Variants in SLF1 observed in about 807,000 individuals in gnomAD.
The protein encoded by SLF1 is SMC5/6 complex localization factor 1.
Under a neutral mutation model 123.0 loss-of-function variants are expected in SLF1, and 105 were observed. The observed-to-expected ratio is 0.85, with a 90% CI of 0.73 to 1.00. The LOEUF is 1.00. SLF1 is among the 50% of genes least tolerant of loss of function. The pLI, the probability that SLF1 is intolerant of heterozygous loss-of-function variation, is 0.00. For missense variants in SLF1, 1,239 were observed against 1,223.0 expected (o/e 1.01, Z -0.20); for synonymous variants, 434 against 406.6 (o/e 1.07, Z -0.81).
chr5:94,692,125 T>C lies in SLF1; in HGVS notation c.2564T>C (p.Val855Ala). The C allele has an allele frequency of 6.2e-7, 1 of 1,613,878 alleles. No individual in the cohort carries two copies. Among genetic ancestry groups the C allele is most frequent in the Non-Finnish European group, 8.5e-7 (1 of 1,179,846 alleles). Residue 855 changes from valine (V) to alanine (A), a missense_variant, in exon 20 of 21, where the codon GTG (valine) becomes GCG (alanine). Val to Ala is a moderately conservative substitution (Grantham distance 64). Coordinates refer to ENST00000265140, the MANE Select transcript of SLF1 (RefSeq NM_032290.4). ...GAAGCCTGTAACTATGGCAACACAG[T>C]GTGTGTCCAGGAAATTTTGCAACGT... ...LHEACNYGNT[V>A]CVQEILQRCP...
chr5:94,619,065 TC>T (rs1055337187), intron 1 of SLF1, among the ~76,000 whole-genome samples: 2 of 151,738 alleles, frequency 1.3e-5, no homozygotes, highest in African/African-American at 4.8e-5. Context: ...CTGAGCCACT[TC>T]CCCCGCTTCT....
At chr5:94,665,822 CTA>C in intron 11 of SLF1, 37 bp from the exon 12 acceptor site, 1 of 1,485,470 alleles carries the variant, frequency 6.7e-7, no homozygotes, top group Non-Finnish European at 9.1e-7. Context: ...CTACTTTTAG[CTA>C]TAGTGTTTTA....
chr5:94,642,006 G>A (rs1746505003), intron 4 of SLF1, among the ~76,000 whole-genome samples: 1 of 152,122 alleles, frequency 6.6e-6, no homozygotes, highest in Non-Finnish European at 1.5e-5. Context: ...GGAAACAGTG[G>A]GTATTTTTCC....
At chr5:94,652,007 C>G (rs953799322) in intron 7 of SLF1, among the ~76,000 whole-genome samples, 162 bp downstream of exon 7, 5 of 121,388 alleles carry the variant, frequency 4.1e-5, no homozygotes, top group African/African-American at 1.6e-4. Context: ...GTATTATTTT[C>G]TTTTTTCTTT....
At chr5:94,664,189 A>T (rs1436349243) in intron 11 of SLF1, among the ~76,000 whole-genome samples, 1 of 152,256 alleles carries the variant, frequency 6.6e-6, no homozygotes, top group Non-Finnish European at 1.5e-5. Context: ...AAAGTATCAA[A>T]TATAAAATTC....
intron 11 of SLF1, among the ~76,000 whole-genome samples, chr5:94,665,000 G>C (rs1419549443): frequency 6.6e-6 from 1 of 151,912 alleles, no homozygotes; most frequent in Non-Finnish European, 1.5e-5. Context: ...CTTACTACTA[G>C]GGAAAAAAAT....
intron 4 of SLF1, among the ~76,000 whole-genome samples, chr5:94,642,508 TTCATAAAAGAGCTTA>T (rs1746560835): frequency 1.3e-5 from 2 of 152,356 alleles, no homozygotes; most frequent in South Asian, 4.1e-4. Flanking sequence ...GTCCAGTCTC[TTCATAAAAGAGCTTA>T]TCCCTCTTCA....
Position 94,688,515 on chromosome 5 carries a change from T to G in SLF1, c.2131T>G (p.Tyr711Asp). Residue 711 changes from tyrosine to aspartate, a missense_variant, in exon 17 of 21, where the codon TAT becomes GAT. Transcript: ENST00000265140. ...TATTATTTTTCAACAGGTATATTCCTATTTACCAGCCTTGGGGAAAACTGG... is the reference window on the plus strand; with the variant it reads ...TATTATTTTTCAACAGGTATATTCCGATTTACCAGCCTTGGGGAAAACTGG... ...PLSLQKMVYS[Y>D]LPALGKTGVL... 6.2e-7 allele frequency: 1 copy of G among 1,613,844 alleles called. No individual in the cohort carries two copies. Among genetic ancestry groups the G allele is most frequent in the East Asian group, 2.2e-5 (1 of 44,872 alleles).
rs780138319 is a variant in SLF1, at chr5:94,643,285, T to G, written c.444T>G (p.Ala148=). 1 of 1,535,740 alleles carries G rather than the reference T, an allele frequency of 6.5e-7. No homozygotes were observed. Among genetic ancestry groups the G allele is most frequent in the South Asian group, 1.2e-5 (1 of 80,892 alleles). Residue 148 remains alanine (A), a synonymous_variant, in exon 5 of 21, where the codon GCT becomes GCG. Transcript: ENST00000265140. ...RSDSLIRVLE[A]GKANVILPKS... is the part of the protein sequence containing the mutation. ...CATTTTTATTTAGAGTTTTGGAGGC[T>G]GGAAAGGCAAATGTTATTTTACCAA...
chr5:94,648,691 A>G (rs1003372354), intron 5 of SLF1, among the ~76,000 whole-genome samples: 5 of 152,044 alleles, frequency 3.3e-5, no homozygotes, highest in African/African-American at 1.2e-4. Context: ...CATGTTGGGC[A>G]GGATGGTCTT....
intron 9 of SLF1, among the ~76,000 whole-genome samples, chr5:94,657,194 G>A (rs1418477110): frequency 6.6e-6 from 1 of 151,538 alleles, no homozygotes; most frequent in Non-Finnish European, 1.5e-5. Flanking sequence ...CTATAAATGT[G>A]CCTTTTAGCA....
rs1746664256 is a variant in SLF1 at position 94,643,435 on chromosome 5, G to A, written c.594G>A (p.Glu198=). ...PIQYLGDFLL[E]KEIQNDEDSQ... is the part of the protein sequence containing the mutation. ...AGTATCTAGGGGATTTTCTTTTAGA[G>A]GTAAGTAAAATAAATAGTAAACATT... Residue 198 remains glutamate (E), a splice_region_variant and synonymous_variant, in exon 5 of 21, where the codon GAG becomes GAA. Coordinates refer to ENST00000265140, the MANE Select transcript of SLF1 (RefSeq NM_032290.4). 5 of 1,428,740 alleles carry A rather than the reference G, an allele frequency of 3.5e-6. No homozygotes were observed. The highest frequency in any genetic ancestry group is 4.6e-6 in the Non-Finnish European group (5 of 1,077,254). 88.5% of individuals were successfully genotyped at this position (1,428,740 alleles called of 1,614,324 possible).
chr5:94,652,350 C>T (rs1380813893), intron 7 of SLF1, among the ~76,000 whole-genome samples: 1 of 152,130 alleles, frequency 6.6e-6, no homozygotes, highest in East Asian at 1.9e-4. Context: ...TCCCTCTTAC[C>T]TAGAAGTAAT....
Position 94,694,570 on chromosome 5 carries a change from GTTT to G in SLF1, c.2696-258_2696-256del, listed in dbSNP as rs377220721. On this transcript the variant is annotated intron_variant, in intron 20 of 20. Transcript: ENST00000265140. ...TGACAGTTGATAAAGTTTTATAAAA[GTTT>G]TTATTTGTAGTTGTATTTATTATTT... Among the ~76,000 whole-genome samples, 899 of 151,882 alleles carry G rather than the reference GTTT, an allele frequency of 5.9e-3. 11 individuals carry two copies. The highest frequency in any genetic ancestry group is 0.021 in the African/African-American group (864 of 41,476).
intron 15 of SLF1, among the ~76,000 whole-genome samples, chr5:94,682,332 T>C (rs976817670): frequency 2.0e-5 from 3 of 152,166 alleles, no homozygotes; most frequent in Non-Finnish European, 4.4e-5. Flanking sequence ...CCTCTTTTTT[T>C]CCCTCATTTC....
intron 15 of SLF1, among the ~76,000 whole-genome samples, chr5:94,685,950 T>A (rs754453849): frequency 9.9e-5 from 15 of 152,150 alleles, no homozygotes; most frequent in Non-Finnish European, 1.3e-4. Flanking sequence ...TCCTGTTTCA[T>A]GTTTTTCTTT....
chr5:94,653,212 T>C, intron 7 of SLF1, 60 bp from the exon 8 acceptor site: 1 of 1,397,894 alleles, frequency 7.2e-7, no homozygotes, highest in African/African-American at 1.5e-5. Context: ...TTGAGTTTAT[T>C]TGGATTTTGT....
chr5:94,644,877 G>T (rs1746838841), intron 5 of SLF1, among the ~76,000 whole-genome samples: 1 of 152,086 alleles, frequency 6.6e-6, no homozygotes, highest in African/African-American at 2.4e-5. Context: ...GTTTTATTCT[G>T]ATCACCTCAC....
At chr5:94,654,415 T>A (rs1384446497) in intron 8 of SLF1, among the ~76,000 whole-genome samples, 4 of 151,002 alleles carry the variant, frequency 2.6e-5, no homozygotes, top group Admixed American at 2.0e-4. Flanking sequence ...AAAAAGAAAG[T>A]ACATATGTAA....
Sources: gnomAD v4.1 joint callset for allele counts (sites outside exome capture counted in the v4.1 genomes callset) on GRCh38, gnomAD v4.1.1 for gene constraint, MANE v1.5 for transcripts, NCBI Gene and HGNC (gene_info 2026-07-23, HGNC 2026-07-21) for gene names.